The following FBXO11 variants were observed in gnomAD, a reference collection of about 807,000 sequenced individuals.
The protein encoded by FBXO11 is F-box protein 11.
Under a neutral mutation model 117.0 loss-of-function variants are expected in FBXO11, and 13 were observed. The observed-to-expected ratio is 0.11, with a 90% CI of 0.07 to 0.18. The LOEUF (loss-of-function observed/expected upper bound fraction) is 0.18, where lower values mean the gene tolerates loss of function less well. Among genes scored for constraint, FBXO11 ranks in the 10% least tolerant of loss-of-function variants. FBXO11 has a pLI of 1.00. For synonymous variants in FBXO11, 490 were observed against 380.5 expected (o/e 1.29, Z -3.35); for missense variants, 767 against 1,164.4 (o/e 0.66, Z 4.97).
At chr2:47,821,582 CCTGGGTGATA>C (rs1671387813) in intron 13 of FBXO11, among the ~76,000 whole-genome samples, 1 of 151,046 alleles carries the variant, frequency 6.6e-6, no homozygotes, top group Non-Finnish European at 1.5e-5. Context: ...TGCACTCCAG[CCTGGGTGATA>C]GAGAGAGACT....
chr2:47,815,901 G>A (rs1056283284), intron 16 of FBXO11, among the ~76,000 whole-genome samples: 1 of 152,152 alleles, frequency 6.6e-6, no homozygotes, highest in Non-Finnish European at 1.5e-5. Context: ...TGAAACTGGC[G>A]CACTTAGTCA....
chr2:47,866,300 C>CAAAAAT (rs1453680722), intron 1 of FBXO11, among the ~76,000 whole-genome samples: 1 of 147,960 alleles, frequency 6.8e-6, no homozygotes, highest in African/African-American at 2.5e-5. Context: ...ATTCAAAACC[C>CAAAAAT]AAAAATAACG....
At chr2:47,809,326 AGATTATAG>A in intron 20 of FBXO11, 60 bp from the exon 21 acceptor site, 2 of 1,094,912 alleles carry the variant, frequency 1.8e-6, no homozygotes, top group Admixed American at 4.5e-5. Flanking sequence ...TAAAAACCAA[AGATTATAG>A]GATTATTCTA....
intron 11 of FBXO11, among the ~76,000 whole-genome samples, chr2:47,827,009 A>AG (rs1399935706): frequency 6.6e-6 from 1 of 152,260 alleles, no homozygotes; most frequent in East Asian, 1.9e-4. Context: ...ACAGGCATGC[A>AG]GTCATTTACC....
At chr2:47,874,800 G>A (rs1326409351) in intron 1 of FBXO11, among the ~76,000 whole-genome samples, 5 of 151,070 alleles carry the variant, frequency 3.3e-5, no homozygotes, top group South Asian at 4.2e-4. Flanking sequence ...CTCCCAAAGT[G>A]CTAGGATTAT....
intron 1 of FBXO11, among the ~76,000 whole-genome samples, chr2:47,873,308 GC>G (rs1378310346): frequency 6.6e-6 from 1 of 152,200 alleles, no homozygotes; most frequent in Non-Finnish European, 1.5e-5. Flanking sequence ...ATAAGCCTCA[GC>G]TTTCCGCCTT....
At chr2:47,889,146 T>TC (rs1677080171) in intron 1 of FBXO11, among the ~76,000 whole-genome samples, 1 of 152,136 alleles carries the variant, frequency 6.6e-6, no homozygotes, top group African/African-American at 2.4e-5. Context: ...TTCTAAAATC[T>TC]CCCCCAACTG....
At chr2:47,835,341 A>G (rs1398572637) in intron 5 of FBXO11, among the ~76,000 whole-genome samples, 1 of 152,228 alleles carries the variant, frequency 6.6e-6, no homozygotes, top group Non-Finnish European at 1.5e-5. Context: ...CTGAACACTA[A>G]TAATTTAAAT....
chr2:47,876,208 G>A (rs1675994564), intron 1 of FBXO11, among the ~76,000 whole-genome samples: 1 of 151,934 alleles, frequency 6.6e-6, no homozygotes, highest in Non-Finnish European at 1.5e-5. Flanking sequence ...CTACTTTTTG[G>A]GAACAAAGCA....
chr2:47,866,599 G>A (rs181537610), intron 1 of FBXO11, among the ~76,000 whole-genome samples: 4 of 151,632 alleles, frequency 2.6e-5, no homozygotes, highest in Non-Finnish European at 5.9e-5. Context: ...TCAGCCTCCC[G>A]AGTAGCTAGG....
rs1337995746 is a variant in FBXO11, at chr2:47,806,922, A to ATGATCTAAT, written c.*1187_*1195dup. 8.3e-7 allele frequency: 1 copy of ATGATCTAAT among 1,204,932 alleles called. No individual in the cohort carries two copies. The highest frequency in any genetic ancestry group is 2.3e-5 in the East Asian group (1 of 42,854). 74.6% of individuals were successfully genotyped at this position (1,204,932 alleles called of 1,614,324 possible). A position where few individuals can be genotyped will look rare whatever the true frequency, so the allele number is the denominator to read the frequency against. ...AAAGGTGGTAAATTCAGACAACATTATGATCTAATAAACTTTATTTTTTAA... is the reference window on the plus strand; with the variant it reads ...AAAGGTGGTAAATTCAGACAACATTATGATCTAATTGATCTAATAAACTTTATTTTTTAA... On this transcript the variant is annotated 3_prime_UTR_variant, in exon 23 of 23. Transcript: ENST00000403359.
At chr2:47,830,149 T>A (rs75542230) in intron 11 of FBXO11, among the ~76,000 whole-genome samples, 7,985 of 151,958 alleles carry the variant, frequency 0.053, 237 homozygotes, top group Non-Finnish European at 0.069. Flanking sequence ...AAACAATACA[T>A]CAGCAAAAGC....
At chr2:47,876,233 C>G (rs1187218650) in intron 1 of FBXO11, among the ~76,000 whole-genome samples, 3 of 152,176 alleles carry the variant, frequency 2.0e-5, no homozygotes, top group East Asian at 3.9e-4. Flanking sequence ...TAGTAGCATT[C>G]CTGACTCAAC....
At chr2:47,882,372 A>C (rs370834936) in intron 1 of FBXO11, among the ~76,000 whole-genome samples, 66 of 152,290 alleles carry the variant, frequency 4.3e-4, no homozygotes, top group Middle Eastern at 6.8e-3. Flanking sequence ...AGGAATCTTT[A>C]AGATCTTTCT....
chr2:47,902,517 TAC>T (rs963130969), intron 1 of FBXO11, among the ~76,000 whole-genome samples: 3 of 152,058 alleles, frequency 2.0e-5, no homozygotes, highest in East Asian at 1.9e-4. Context: ...AAAGCGTATA[TAC>T]ACACACACAT....
chr2:47,832,043 A>C (rs2104805357), intron 11 of FBXO11, among the ~76,000 whole-genome samples: 1 of 152,302 alleles, frequency 6.6e-6, no homozygotes, highest in South Asian at 2.1e-4. Flanking sequence ...AATTTTCTTT[A>C]AAACAGAAAG....
At chr2:47,828,940 C>T (rs1671973564) in intron 11 of FBXO11, among the ~76,000 whole-genome samples, 1 of 152,078 alleles carries the variant, frequency 6.6e-6, no homozygotes, top group Non-Finnish European at 1.5e-5. Context: ...TTGACAGAGT[C>T]TCACTCCTCT....
intron 18 of FBXO11, among the ~76,000 whole-genome samples, chr2:47,812,648 AAT>A (rs1323629011): frequency 6.6e-6 from 1 of 152,218 alleles, no homozygotes; most frequent in Non-Finnish European, 1.5e-5. Flanking sequence ...GATATGTACA[AAT>A]GTTGGGTTAT....
In FBXO11 at chr2:47,905,981, G is replaced by C. The variant is rs879926410; in HGVS notation, c.-261C>G. Reference sequence around the variant, plus strand: ...GAAGGCCGAAGCCGCCGGGCGGGGCGGCCGCGAGGGACGAAGGCAGAAAGA... The same window carrying C: ...GAAGGCCGAAGCCGCCGGGCGGGGCCGCCGCGAGGGACGAAGGCAGAAAGA... On this transcript the variant is annotated 5_prime_UTR_variant, in exon 1 of 23. Transcript: ENST00000403359. The C allele has an allele frequency of 7.0e-4, 285 of 409,054 alleles. No homozygotes were observed. Among genetic ancestry groups the C allele is most frequent in the Non-Finnish European group, 9.4e-4 (213 of 227,460 alleles). 25.3% of individuals were successfully genotyped at this position (409,054 alleles called of 1,614,324 possible).
Sources: allele counts gnomAD v4.1 joint callset (sites outside exome capture counted in the v4.1 genomes callset), GRCh38; gene constraint gnomAD v4.1.1; transcripts MANE v1.5; gene names NCBI Gene and HGNC (gene_info 2026-07-23, HGNC 2026-07-21).